The following CLEC16A variants were observed in gnomAD, a reference collection of about 807,000 sequenced individuals.
The protein encoded by CLEC16A is protein CLEC16A.
Under a neutral mutation model 109.5 loss-of-function variants are expected in CLEC16A, and 51 were observed. The ratio of observed to expected loss-of-function variants is 0.47; its 90% CI spans 0.37 to 0.59. CLEC16A has a LOEUF of 0.59. Ranked by LOEUF, CLEC16A falls within the 20% of genes least tolerant of loss-of-function variation. The pLI is 0.00. For synonymous variants in CLEC16A, 673 were observed against 564.2 expected, an observed-to-expected ratio of 1.19 and a Z score of -2.73; for missense variants, 1,339 against 1,394.0, an observed-to-expected ratio of 0.96 and a Z score of 0.63.
At chr16:11,042,210 G>T in intron 14 of CLEC16A, 44 bp from the exon 15 acceptor site, 2 of 1,465,430 alleles carry the variant, frequency 1.4e-6, no homozygotes, top group South Asian at 1.2e-5. Context: ...GTTTAAGGGC[G>T]CCCCACCCTG....
At chr16:10,976,153 T>C (rs1025803755) in intron 7 of CLEC16A, among the ~76,000 whole-genome samples, 1 of 152,118 alleles carries the variant, frequency 6.6e-6, no homozygotes, top group Non-Finnish European at 1.5e-5. Context: ...GCCTGTAATC[T>C]GAGATGCTTT....
chr16:11,169,535 C>T (rs911032055), intron 23 of CLEC16A, among the ~76,000 whole-genome samples: 1 of 152,188 alleles, frequency 6.6e-6, no homozygotes, highest in African/African-American at 2.4e-5. Context: ...GATCCACCCA[C>T]CTCAGCCTCC....
chr16:11,099,835 A>G (rs2050809705), intron 19 of CLEC16A, among the ~76,000 whole-genome samples: 1 of 152,158 alleles, frequency 6.6e-6, no homozygotes, highest in Non-Finnish European at 1.5e-5. Context: ...CCTGGGACCC[A>G]CGTGCTGTTT....
chr16:11,088,312 C>A (rs992169256), intron 19 of CLEC16A, among the ~76,000 whole-genome samples: 1 of 152,208 alleles, frequency 6.6e-6, no homozygotes, highest in African/African-American at 2.4e-5. Context: ...GCTAGGACTC[C>A]ACAGAACCAG....
intron 16 of CLEC16A, among the ~76,000 whole-genome samples, chr16:11,045,333 T>G (rs1414441893): frequency 1.3e-5 from 2 of 152,006 alleles, no homozygotes; most frequent in Non-Finnish European, 2.9e-5. Flanking sequence ...GGGTGATAGG[T>G]GAGACTCCAT....
chr16:11,048,838 C>T (rs533319763), intron 17 of CLEC16A, among the ~76,000 whole-genome samples: 3 of 152,062 alleles, frequency 2.0e-5, no homozygotes, highest in South Asian at 4.2e-4. Context: ...CTCTTACCCC[C>T]GAGACATCCC....
At chr16:11,100,327 G>A (rs189242830) in intron 19 of CLEC16A, among the ~76,000 whole-genome samples, 114 of 152,312 alleles carry the variant, frequency 7.5e-4, no homozygotes, top group African/African-American at 2.4e-3. Flanking sequence ...CCGCCTGCTG[G>A]TGGATTTCCT....
At position 10,999,619 on chromosome 16, in the gene CLEC16A, C is replaced by G. The variant is rs11646160; in HGVS notation, c.1072-3455C>G. Among the ~76,000 whole-genome samples the G allele has an allele frequency of 6.1e-3, 923 of 152,294 alleles. 9 individuals are homozygous for G. Among genetic ancestry groups the G allele is most frequent in the Non-Finnish European group, 0.01 (700 of 68,030 alleles). The stretch of plus-strand genomic sequence containing the variant: ...CATTTAGGTTATTTCCAGTTGTTTA[C>G]TGGAAGGTCGTGTTATAAAGGTTTG... On this transcript the variant is annotated intron_variant, in intron 10 of 23. Transcript: ENST00000409790.
At chr16:11,044,575 A>G (rs1338545471) in intron 16 of CLEC16A, among the ~76,000 whole-genome samples, 1 of 152,202 alleles carries the variant, frequency 6.6e-6, no homozygotes, top group African/African-American at 2.4e-5. Context: ...AAGTGCCACC[A>G]TGACTTTCAG....
At position 10,990,811 on chromosome 16, in the gene CLEC16A, A is replaced by G. The variant is rs143654018; in HGVS notation, c.1071+7820A>G. On this transcript the variant is annotated intron_variant, in intron 10 of 23. Transcript: ENST00000409790. ...CTTCTTCTGGGTTTCAATTAAAATC[A>G]GAAAATTGAGGGTGAGGACAGACAA... 2.6e-5 allele frequency among the ~76,000 whole-genome samples: 4 copies of G among 152,336 alleles called. No homozygotes were observed. The East Asian group carries it at 7.7e-4, about 29-fold the overall frequency.
chr16:10,956,664 G>A (rs1197885259), intron 1 of CLEC16A, among the ~76,000 whole-genome samples: 1 of 152,210 alleles, frequency 6.6e-6, no homozygotes, highest in Non-Finnish European at 1.5e-5. Context: ...TGGCCTCGGT[G>A]ATTCTTTTGG....
At chr16:11,020,785 TC>T (rs933714392) in intron 12 of CLEC16A, among the ~76,000 whole-genome samples, 1 of 152,248 alleles carries the variant, frequency 6.6e-6, no homozygotes, top group Non-Finnish European at 1.5e-5. Context: ...GGTGCTGCCA[TC>T]CACCTTTGAC....
intron 22 of CLEC16A, among the ~76,000 whole-genome samples, chr16:11,163,840 A>G (rs1247384362): frequency 6.6e-6 from 1 of 152,172 alleles, no homozygotes; most frequent in East Asian, 1.9e-4. Context: ...CCCTCTGTTC[A>G]TGGCCCTGAT....
chr16:11,061,802 G>A (rs374792970), intron 19 of CLEC16A, among the ~76,000 whole-genome samples: 2 of 152,322 alleles, frequency 1.3e-5, no homozygotes, highest in African/African-American at 4.8e-5. Flanking sequence ...AAGTCCAGGA[G>A]TAGGCTACCT....
At chr16:11,095,210 G>C (rs2050536546) in intron 19 of CLEC16A, among the ~76,000 whole-genome samples, 1 of 152,078 alleles carries the variant, frequency 6.6e-6, no homozygotes, top group Admixed American at 6.5e-5. Context: ...AACGTGGAAA[G>C]CCTGCCTTTT....
At chr16:11,166,578 T>C in intron 23 of CLEC16A, 26 bp downstream of exon 23, 1 of 1,546,702 alleles carries the variant, frequency 6.5e-7, no homozygotes, top group Non-Finnish European at 8.7e-7. Flanking sequence ...CTCAGTGATA[T>C]GGGGACATTT....
chr16:10,957,675 C>G (rs766612816), intron 1 of CLEC16A, 107 bp from the exon 2 acceptor site: 43 of 1,163,204 alleles, frequency 3.7e-5, no homozygotes, highest in Non-Finnish European at 4.3e-5. Context: ...TTACCCAAAC[C>G]TGAAAAAGCA....
At chr16:11,063,770 C>G (rs1266395378) in intron 19 of CLEC16A, among the ~76,000 whole-genome samples, 1 of 152,110 alleles carries the variant, frequency 6.6e-6, no homozygotes, top group Non-Finnish European at 1.5e-5. Flanking sequence ...GATGTGGTCA[C>G]CACTCAGCAA....
At chr16:11,170,653 A>G (rs2068471470) in intron 23 of CLEC16A, among the ~76,000 whole-genome samples, 1 of 152,060 alleles carries the variant, frequency 6.6e-6, no homozygotes, top group Non-Finnish European at 1.5e-5. Flanking sequence ...ATCTCCCTGC[A>G]TCTTATCTTC....
Sources: allele counts gnomAD v4.1 joint callset (sites outside exome capture counted in the v4.1 genomes callset), GRCh38; gene constraint gnomAD v4.1.1; transcripts MANE v1.5; gene names NCBI Gene and HGNC (gene_info 2026-07-23, HGNC 2026-07-21).